Variants in HSPA12A observed in about 807,000 individuals in gnomAD.
HSPA12A encodes heat shock 70 kDa protein 12A.
In HSPA12A, 28 loss-of-function variants were observed where a neutral mutation model predicts 69.2. The observed-to-expected ratio is 0.40, with a 90% confidence interval of 0.30 to 0.55. The LOEUF (loss-of-function observed/expected upper bound fraction) is 0.55, where lower values mean the gene tolerates loss of function less well. Ranked by LOEUF, HSPA12A falls within the 20% of genes least tolerant of loss-of-function variation. HSPA12A has a pLI of 0.38. For missense variants in HSPA12A, 686 were observed against 900.7 expected, an observed-to-expected ratio of 0.76 and a Z score of 3.05; for synonymous variants, 345 against 370.5, an observed-to-expected ratio of 0.93 and a Z score of 0.79.
chr10:116,811,307 A>G (rs1375471521), intron 2 of HSPA12A, among the ~76,000 whole-genome samples: 1 of 152,180 alleles, frequency 6.6e-6, no homozygotes, highest in African/African-American at 2.4e-5. Flanking sequence ...GGCTGAGACT[A>G]TGCAGAGCCT....
intron 2 of HSPA12A, among the ~76,000 whole-genome samples, chr10:116,795,756 T>C (rs1055820276): frequency 3.3e-5 from 5 of 150,444 alleles, no homozygotes; most frequent in African/African-American, 1.2e-4. Flanking sequence ...AGGAAAATAT[T>C]AAATAAGTAT....
At chr10:116,746,946 A>C (rs2133079796), upstream of HSPA12A, among the ~76,000 whole-genome samples, 1 of 152,370 alleles carries the variant, frequency 6.6e-6, no homozygotes, top group East Asian at 1.9e-4. Context: ...TTGTCCATGA[A>C]CTGAATATCA....
At chr10:116,702,698 A>G (rs2921974) in intron 3 of HSPA12A, among the ~76,000 whole-genome samples, 79,501 of 152,052 alleles carry the variant, frequency 0.52, 21,115 homozygotes, top group Middle Eastern at 0.66. Context: ...TGACCCCATG[A>G]GCTTTTTCCC....
chr10:116,732,437 T>G (rs1554885944), intron 1 of HSPA12A, among the ~76,000 whole-genome samples: 2 of 152,090 alleles, frequency 1.3e-5, no homozygotes, highest in African/African-American at 4.8e-5. Context: ...GAACCAGCCC[T>G]GGATCCTCAC....
At chr10:116,782,183 T>C (rs1177639256) in intron 2 of HSPA12A, among the ~76,000 whole-genome samples, 1 of 152,062 alleles carries the variant, frequency 6.6e-6, no homozygotes, top group African/African-American at 2.4e-5. Flanking sequence ...TAAGATGAGA[T>C]TTTGTGCTCA....
chr10:116,735,564 C>T (rs1456880730), intron 1 of HSPA12A, among the ~76,000 whole-genome samples: 1 of 152,190 alleles, frequency 6.6e-6, no homozygotes, highest in East Asian at 1.9e-4. Flanking sequence ...GCACCAACCC[C>T]CAGACCTGTG....
chr10:116,711,609 G>T (rs1314330020), intron 1 of HSPA12A, among the ~76,000 whole-genome samples: 1 of 151,774 alleles, frequency 6.6e-6, no homozygotes, highest in Non-Finnish European at 1.5e-5. Flanking sequence ...ATAATACAGA[G>T]AGAGTCAATG....
chr10:116,774,637 C>G (rs1422290155), intron 2 of HSPA12A, among the ~76,000 whole-genome samples: 1 of 152,146 alleles, frequency 6.6e-6, no homozygotes, highest in Non-Finnish European at 1.5e-5. Context: ...GAGTTCATGG[C>G]CCAGATCCAT....
chr10:116,726,709 C>T (rs1009873431), intron 1 of HSPA12A, among the ~76,000 whole-genome samples: 1 of 152,164 alleles, frequency 6.6e-6, no homozygotes, highest in African/African-American at 2.4e-5. Flanking sequence ...TGGCTTGCTC[C>T]GATGAACGGC....
chr10:116,790,864 T>C (rs1589708405), intron 2 of HSPA12A, among the ~76,000 whole-genome samples: 1 of 152,218 alleles, frequency 6.6e-6, no homozygotes, highest in East Asian at 1.9e-4. Context: ...CTAATTTTTG[T>C]ATTTTTAGTA....
At chr10:116,681,725 G>T in intron 8 of HSPA12A, 66 bp downstream of exon 8, 1 of 1,427,142 alleles carries the variant, frequency 7.0e-7, no homozygotes, top group Non-Finnish European at 9.9e-7. Flanking sequence ...AGGGACAAAT[G>T]GGAATGGCTT....
intron 2 of HSPA12A, among the ~76,000 whole-genome samples, chr10:116,791,559 G>T (rs943230292): frequency 1.3e-5 from 2 of 152,102 alleles, no homozygotes; most frequent in Non-Finnish European, 2.9e-5. Flanking sequence ...AATGCCTAAT[G>T]CTATATCATT....
At chr10:116,770,937 G>A (rs12250728) in intron 2 of HSPA12A, among the ~76,000 whole-genome samples, 10,229 of 151,822 alleles carry the variant, frequency 0.067, 1,141 homozygotes, top group African/African-American at 0.23. Context: ...GACTTCTTTT[G>A]GCTGCTGCGG....
chr10:116,712,903 T>G (rs1386597111), intron 1 of HSPA12A, among the ~76,000 whole-genome samples: 1 of 148,320 alleles, frequency 6.7e-6, no homozygotes, highest in Non-Finnish European at 1.5e-5. Flanking sequence ...GCTTTCAGAT[T>G]TACGTATCCA....
intron 2 of HSPA12A, among the ~76,000 whole-genome samples, chr10:116,813,482 C>T (rs1003580763): frequency 3.3e-5 from 5 of 151,772 alleles, no homozygotes; most frequent in Non-Finnish European, 7.4e-5. Context: ...CTCCTGACCT[C>T]GTGATCCACC....
At chr10:116,678,618 T>C (rs1589619629) in intron 10 of HSPA12A, among the ~76,000 whole-genome samples, 1 of 144,438 alleles carries the variant, frequency 6.9e-6, no homozygotes, top group East Asian at 2.0e-4. Context: ...AATGGAAAAA[T>C]GTTAATGTTA....
At chr10:116,741,148 C>T (rs1230571301) in intron 1 of HSPA12A, among the ~76,000 whole-genome samples, 5 of 152,210 alleles carry the variant, frequency 3.3e-5, no homozygotes, top group African/African-American at 1.2e-4. Context: ...GTCAGGATCC[C>T]CCACCCGCCA....
At chr10:116,830,930 CA>C (rs1384985770) in intron 2 of HSPA12A, 1 of 136,458 alleles carries the variant, frequency 7.3e-6, no homozygotes, top group African/African-American at 3.8e-5. Flanking sequence ...AGCTTAGAAG[CA>C]GCTAGCAGCA....
chr10:116,822,779 C>T (rs1845428769), intron 2 of HSPA12A, among the ~76,000 whole-genome samples: 1 of 152,174 alleles, frequency 6.6e-6, no homozygotes, highest in South Asian at 2.1e-4. Context: ...AGGCTGGGAA[C>T]AAAGATGTCA....
Sources: allele counts gnomAD v4.1 joint callset (sites outside exome capture counted in the v4.1 genomes callset), GRCh38; gene constraint gnomAD v4.1.1; transcripts MANE v1.5; gene names NCBI Gene and HGNC (gene_info 2026-07-23, HGNC 2026-07-21).